Variants in CPAMD8 observed in about 807,000 individuals in gnomAD.
CPAMD8 encodes C3 and PZP-like alpha-2-macroglobulin domain-containing protein 8.
CPAMD8 carries 146 observed loss-of-function variants against 224.7 expected under a neutral mutation model. That is an observed-to-expected ratio of 0.65 (90% confidence interval 0.57 to 0.75). The LOEUF (loss-of-function observed/expected upper bound fraction) is 0.75. Among genes scored for constraint, CPAMD8 ranks in the 30% least tolerant of loss-of-function variants. The pLI is 0.00. For missense variants in CPAMD8, 2,301 were observed against 2,537.5 expected (o/e 0.91, Z 2.00); for synonymous variants, 966 against 1,044.6 (o/e 0.92, Z 1.45).
At chr19:17,012,738 T>C (rs1052715360) in intron 3 of CPAMD8, among the ~76,000 whole-genome samples, 2 of 152,212 alleles carry the variant, frequency 1.3e-5, no homozygotes, top group African/African-American at 4.8e-5. Flanking sequence ...TCTGTCATCA[T>C]CACTGGAGAG....
intron 18 of CPAMD8, among the ~76,000 whole-genome samples, chr19:16,970,203 C>T (rs2055006894): frequency 7.4e-6 from 1 of 136,034 alleles, no homozygotes; most frequent in African/African-American, 2.9e-5. Flanking sequence ...CGCACTACTG[C>T]ACTCCAGCCT....
rs78071091 is a variant in CPAMD8 at position 16,938,167 on chromosome 19, T to C, written c.2845+228A>G. 5.3e-3 allele frequency among the ~76,000 whole-genome samples: 798 copies of C among 151,892 alleles called. 3 individuals carry two copies. The highest frequency in any genetic ancestry group is 0.017 in the African/African-American group (699 of 41,206). ...GCGTATTCCCTGTGTATTCATTCCC[T>C]GAGTATTCATTCCCTGTGTATTCAT... On this transcript the variant is annotated intron_variant, in intron 23 of 41. Transcript: ENST00000443236.
At chr19:16,950,651 G>C (rs1242055096) in intron 20 of CPAMD8, among the ~76,000 whole-genome samples, 6 of 152,002 alleles carry the variant, frequency 3.9e-5, no homozygotes, top group Non-Finnish European at 7.4e-5. Flanking sequence ...TAATTAGCCA[G>C]GCATGGTGGT....
rs757072225 is a variant in CPAMD8, at chr19:16,904,374, G to A, written c.4115-12C>T. 2 of 1,614,090 alleles carry A rather than the reference G, an allele frequency of 1.2e-6. No individual in the cohort carries two copies. The highest frequency in any genetic ancestry group is 1.7e-6 in the Non-Finnish European group (2 of 1,180,022). On this transcript the variant is annotated splice_polypyrimidine_tract_variant and intron_variant, in intron 31 of 41. Transcript: ENST00000443236. Reference sequence around the variant, plus strand: ...CTCGGCCGAGACCACTGCAATGGAAGAGGCCCACTGGGGACTTTTGACACA... The same window carrying A: ...CTCGGCCGAGACCACTGCAATGGAAAAGGCCCACTGGGGACTTTTGACACA...
At chr19:16,894,701 A>C in intron 41 of CPAMD8, 1 of 328,566 alleles carries the variant, frequency 3.0e-6, no homozygotes. Context: ...TCAGACCACC[A>C]ACCAAATCGA....
At chr19:16,958,046 T>C in intron 18 of CPAMD8, 131 bp from the exon 19 acceptor site, 1 of 760,990 alleles carries the variant, frequency 1.3e-6, no homozygotes, top group South Asian at 1.7e-5. Flanking sequence ...GTTAACATTG[T>C]ACTTCACTGG....
intron 19 of CPAMD8, chr19:16,957,609 C>A: frequency 2.0e-6 from 1 of 510,990 alleles, no homozygotes; most frequent in Non-Finnish European, 3.5e-6. Flanking sequence ...AGAGTAACCC[C>A]AAGAGGGAGT....
chr19:16,896,416 G>T (rs2051991846), intron 40 of CPAMD8, 40 bp downstream of exon 40: 2 of 1,484,770 alleles, frequency 1.3e-6, no homozygotes, highest in Non-Finnish European at 1.8e-6. Flanking sequence ...GAGCAGCAGC[G>T]ATGGTGTCCC....
intron 41 of CPAMD8, chr19:16,894,342 AC>A: frequency 4.5e-6 from 2 of 449,376 alleles, no homozygotes; most frequent in Non-Finnish European, 9.0e-6. Flanking sequence ...CTGCCCACCC[AC>A]CATACAGAGT....
At chr19:17,022,202 G>A (rs2056977508) in intron 1 of CPAMD8, 21 bp from the exon 2 acceptor site, 2 of 1,605,080 alleles carry the variant, frequency 1.2e-6, no homozygotes, top group Non-Finnish European at 1.7e-6. Context: ...GGAGATCCGA[G>A]GTGAAGTTCT....
chr19:16,914,610 T>C (rs371920193), intron 28 of CPAMD8, 47 bp downstream of exon 28: 4 of 1,613,340 alleles, frequency 2.5e-6, no homozygotes, highest in African/African-American at 2.7e-5. Context: ...GCTGGGGCTC[T>C]GGGAGGAGGT....
chr19:17,006,644 A>G (rs1476071623), intron 7 of CPAMD8, among the ~76,000 whole-genome samples: 1 of 151,744 alleles, frequency 6.6e-6, no homozygotes, highest in Non-Finnish European at 1.5e-5. Context: ...CCCATCTCCA[A>G]CCTCACTACC....
At chr19:16,987,093 A>G (rs1236004055) in intron 13 of CPAMD8, among the ~76,000 whole-genome samples, 1 of 131,868 alleles carries the variant, frequency 7.6e-6, no homozygotes, top group Non-Finnish European at 1.6e-5. Flanking sequence ...CAGGAGATGG[A>G]GGTTGCAGTG....
chr19:16,904,176 A>AGGGCGCCC, intron 32 of CPAMD8, 50 bp downstream of exon 32: 1 of 937,338 alleles, frequency 1.1e-6, no homozygotes, highest in Non-Finnish European at 1.7e-6. Flanking sequence ...GACTGCAGGG[A>AGGGCGCCC]CCCCACCCAC....
At chr19:16,950,295 C>T (rs953392289) in intron 20 of CPAMD8, among the ~76,000 whole-genome samples, 9 of 151,844 alleles carry the variant, frequency 5.9e-5, no homozygotes, top group African/African-American at 1.9e-4. Flanking sequence ...GAGATCCTAT[C>T]TCAAATAAAT....
intron 1 of CPAMD8, among the ~76,000 whole-genome samples, chr19:17,024,163 A>T (rs2123284119): frequency 6.6e-6 from 1 of 152,380 alleles, no homozygotes; most frequent in South Asian, 2.1e-4. Flanking sequence ...ATCTCAAAAG[A>T]CGCAGTGGGT....
intron 17 of CPAMD8, among the ~76,000 whole-genome samples, chr19:16,971,578 C>T (rs1436661023): frequency 6.6e-6 from 1 of 151,980 alleles, no homozygotes; most frequent in Non-Finnish European, 1.5e-5. Flanking sequence ...TGGTGACTGC[C>T]AGGGGCTGAG....
chr19:16,989,414 G>A (rs1446702052), intron 13 of CPAMD8, among the ~76,000 whole-genome samples: 2 of 152,142 alleles, frequency 1.3e-5, no homozygotes, highest in Admixed American at 6.6e-5. Context: ...AGCCTCCCGA[G>A]TAGCTGGGAT....
At chr19:16,966,308 G>A (rs2054825981) in intron 18 of CPAMD8, among the ~76,000 whole-genome samples, 1 of 152,174 alleles carries the variant, frequency 6.6e-6, no homozygotes, top group South Asian at 2.1e-4. Flanking sequence ...GCTGAAACTG[G>A]ATCCCTTCCT....
Sources: allele counts gnomAD v4.1 joint callset (sites outside exome capture counted in the v4.1 genomes callset), GRCh38; gene constraint gnomAD v4.1.1; transcripts MANE v1.5; gene names NCBI Gene and HGNC (gene_info 2026-07-23, HGNC 2026-07-21).